Variants in DLG1 observed in about 807,000 individuals in gnomAD.
The protein encoded by DLG1 is discs large MAGUK scaffold protein 1.
In DLG1, 42 loss-of-function variants were observed where a neutral mutation model predicts 123.4. The observed-to-expected ratio is 0.34, with a 90% confidence interval of 0.27 to 0.44. The LOEUF is 0.44. DLG1 is among the 20% of genes least tolerant of loss of function. The pLI is 1.00. For missense variants in DLG1, 942 were observed against 1,082.6 expected (o/e 0.87, Z 1.82); for synonymous variants, 317 against 356.2 (o/e 0.89, Z 1.24).
chr3:197,051,266 G>A (rs899534081), intron 24 of DLG1, among the ~76,000 whole-genome samples: 9 of 148,530 alleles, frequency 6.1e-5, no homozygotes, highest in African/African-American at 2.0e-4. Context: ...CCAGCCACTC[G>A]GGAGGCTGAG....
intron 4 of DLG1, among the ~76,000 whole-genome samples, chr3:197,207,437 G>A (rs1201820929): frequency 1.3e-5 from 2 of 151,112 alleles, no homozygotes; most frequent in African/African-American, 2.4e-5. Context: ...TCCTTCCTAA[G>A]TTTATCTATA....
chr3:197,130,519 A>T lies in DLG1; in HGVS notation c.1165+8T>A, dbSNP rs1781958526. 6 of 1,584,384 alleles carry T rather than the reference A, an allele frequency of 3.8e-6. No individual in the cohort carries two copies. Among genetic ancestry groups the T allele is most frequent in the Non-Finnish European group, 4.3e-6 (5 of 1,164,530 alleles). ...TAAATTTAAGCAAACGTATGCTAAC[A>T]GACTTACAGTTGGTGATATCAGGTG... is the stretch of plus-strand genomic sequence containing the variant. On this transcript the variant is annotated splice_region_variant and intron_variant, in intron 11 of 24. Transcript: ENST00000667157.
Position 197,081,137 on chromosome 3 carries a change from T to TA in DLG1, c.1839-21dup, listed in dbSNP as rs1750876424. 1 of 1,604,610 alleles carries TA rather than the reference T, an allele frequency of 6.2e-7. No individual in the cohort carries two copies. The stretch of plus-strand genomic sequence containing the variant: ...TCAACTCTGTCAAAGTATAGAATGT[T>TA]ATTTTTTAAGTAAACCAAACATATC... On this transcript the variant is annotated intron_variant, in intron 16 of 24. Coordinates refer to ENST00000667157, the MANE Select transcript of DLG1 (RefSeq NM_001366207.1).
chr3:197,200,707 C>T (rs1343406764), intron 4 of DLG1, among the ~76,000 whole-genome samples: 3 of 152,110 alleles, frequency 2.0e-5, no homozygotes, highest in African/African-American at 7.2e-5. Context: ...ATCACATAAA[C>T]AGAAATAAGG....
At chr3:197,051,897 A>C (rs994961728) in intron 23 of DLG1, among the ~76,000 whole-genome samples, 1 of 132,228 alleles carries the variant, frequency 7.6e-6, no homozygotes, top group South Asian at 2.4e-4. Flanking sequence ...GCTGGAGTGC[A>C]GTGGCACGAT....
Position 197,077,235 on chromosome 3 carries a change from A to G in DLG1, c.1906-550T>C, listed in dbSNP as rs547985149. On this transcript the variant is annotated intron_variant, in intron 17 of 24. Transcript: ENST00000667157. Reference sequence around the variant, plus strand: ...TGCTGAATATTTAAAAAACAAATATATATATATTTATATATACACATATAC... The same window carrying G: ...TGCTGAATATTTAAAAAACAAATATGTATATATTTATATATACACATATAC... 2.5e-3 allele frequency among the ~76,000 whole-genome samples: 372 copies of G among 150,730 alleles called. 1 individual carries two copies. The highest frequency in any genetic ancestry group is 7.6e-3 in the Admixed American group (115 of 15,104).
chr3:197,142,835 T>A, intron 6 of DLG1, 67 bp from the exon 7 acceptor site: 1 of 1,225,116 alleles, frequency 8.2e-7, no homozygotes, highest in African/African-American at 1.5e-5. Flanking sequence ...AAGGCAAAAT[T>A]TTTGTATGAT....
At chr3:197,297,922 G>T (rs1379356775) in intron 1 of DLG1, 2 of 984,042 alleles carry the variant, frequency 2.0e-6, no homozygotes, top group Non-Finnish European at 2.4e-6. Context: ...GAGCCGAGCG[G>T]AGGGGGCGAA....
chr3:197,260,357 G>A, intron 4 of DLG1: 2 of 371,598 alleles, frequency 5.4e-6, no homozygotes, highest in Non-Finnish European at 1.0e-5. Context: ...AACAAAACAT[G>A]TAAATAAAAA....
chr3:197,103,357 T>C (rs1331037389), intron 14 of DLG1, among the ~76,000 whole-genome samples: 1 of 152,124 alleles, frequency 6.6e-6, no homozygotes, highest in Non-Finnish European at 1.5e-5. Flanking sequence ...TAACCATACC[T>C]AAAAAGTTTA....
In DLG1 at chr3:197,266,469, C is replaced by T. The variant is rs114130197; in HGVS notation, c.318+16210G>A. 8.4e-3 allele frequency among the ~76,000 whole-genome samples: 1,282 copies of T among 151,974 alleles called. 17 individuals are homozygous for T. The highest frequency in any genetic ancestry group is 0.029 in the African/African-American group (1,214 of 41,428). On this transcript the variant is annotated intron_variant, in intron 4 of 24. Transcript: ENST00000667157. ...CAAAAAATTAAAAAAAAAAATTGCC[C>T]AGCCTGGTGGTATACATGTGTAGCC...
At chr3:197,252,718 T>G (rs150663335) in intron 4 of DLG1, among the ~76,000 whole-genome samples, 2 of 152,286 alleles carry the variant, frequency 1.3e-5, no homozygotes, top group Admixed American at 1.3e-4. Flanking sequence ...ACTGTAAACT[T>G]AAAATGGTTA....
chr3:197,164,050 C>G (rs969722889), intron 5 of DLG1, among the ~76,000 whole-genome samples: 2 of 152,030 alleles, frequency 1.3e-5, no homozygotes, highest in African/African-American at 2.4e-5. Context: ...CAAATTCACA[C>G]AAACTTTAGG....
intron 3 of DLG1, 42 bp from the exon 4 acceptor site, chr3:197,282,887 C>T (rs905258231): frequency 1.6e-6 from 2 of 1,268,214 alleles, no homozygotes; most frequent in Non-Finnish European, 2.2e-6. Flanking sequence ...TTTATATTTT[C>T]TAACTAAATT....
intron 14 of DLG1, among the ~76,000 whole-genome samples, chr3:197,101,590 C>T (rs1453339810): frequency 6.6e-6 from 1 of 151,976 alleles, no homozygotes; most frequent in Non-Finnish European, 1.5e-5. Flanking sequence ...GGGGTTTCAC[C>T]GTGTTAGCCA....
intron 6 of DLG1, among the ~76,000 whole-genome samples, chr3:197,147,447 CACACACACA>C (rs1791463317): frequency 1.4e-5 from 2 of 147,490 alleles, no homozygotes; most frequent in Non-Finnish European, 3.0e-5. Flanking sequence ...CACACACACA[CACACACACA>C]CACACACACA....
chr3:197,286,334 T>C (rs1249580691), intron 3 of DLG1, among the ~76,000 whole-genome samples: 2 of 152,130 alleles, frequency 1.3e-5, no homozygotes, highest in Non-Finnish European at 2.9e-5. Flanking sequence ...GAAGACAATT[T>C]TTCCACAGAA....
chr3:197,229,394 C>T (rs922042504), intron 4 of DLG1, among the ~76,000 whole-genome samples: 4 of 145,390 alleles, frequency 2.8e-5, no homozygotes, highest in Non-Finnish European at 6.0e-5. Context: ...TGAGCCACTG[C>T]TTGAGCTATG....
chr3:197,054,050 C>T (rs552280), intron 23 of DLG1, among the ~76,000 whole-genome samples: 152,122 of 152,246 alleles, frequency 1, 75,999 homozygotes, highest in Middle Eastern at 1. Flanking sequence ...GGGTAAGCAG[C>T]GAGCCACTGC....
Sources: allele counts gnomAD v4.1 joint callset (sites outside exome capture counted in the v4.1 genomes callset), GRCh38; gene constraint gnomAD v4.1.1; transcripts MANE v1.5; gene names NCBI Gene and HGNC (gene_info 2026-07-23, HGNC 2026-07-21).